PRKN: variants seen among roughly 807,000 people sequenced by gnomAD.
The protein encoded by PRKN is parkin RBR E3 ubiquitin protein ligase.
In PRKN, 56 loss-of-function variants were observed where a neutral mutation model predicts 59.5. That is an observed-to-expected ratio of 0.94 (90% CI 0.76 to 1.18). The LOEUF (loss-of-function observed/expected upper bound fraction) is 1.18, where lower values mean the gene tolerates loss of function less well. Among genes scored for constraint, PRKN ranks in the 50% most tolerant of loss-of-function variants. The pLI is 0.00. For missense variants in PRKN, 657 were observed against 596.4 expected (o/e 1.10, Z -1.06); for synonymous variants, 250 against 222.1 (o/e 1.13, Z -1.12).
intron 1 of PRKN, among the ~76,000 whole-genome samples, chr6:162,505,428 G>T (rs1402688836): frequency 6.6e-6 from 1 of 152,056 alleles, no homozygotes; most frequent in Middle Eastern, 3.2e-3. Context: ...GCATCACCTG[G>T]AAACGTATTA....
chr6:161,573,535 A>G (rs1481624728), intron 7 of PRKN, among the ~76,000 whole-genome samples: 2 of 150,692 alleles, frequency 1.3e-5, no homozygotes, highest in South Asian at 2.1e-4. Context: ...CGTGGCTAAT[A>G]CAGTGAAACC....
At chr6:161,490,621 C>T (rs1190142655) in intron 9 of PRKN, among the ~76,000 whole-genome samples, 1 of 152,010 alleles carries the variant, frequency 6.6e-6, no homozygotes, top group Non-Finnish European at 1.5e-5. Context: ...AAACTCCTGA[C>T]CTCAGGTGAT....
At chr6:162,423,067 T>C (rs1453390773) in intron 2 of PRKN, among the ~76,000 whole-genome samples, 1 of 151,846 alleles carries the variant, frequency 6.6e-6, no homozygotes, top group Non-Finnish European at 1.5e-5. Context: ...CATATTAATA[T>C]TACAAAGAAA....
chr6:161,565,967 G>T (rs1780626547), intron 8 of PRKN, among the ~76,000 whole-genome samples: 1 of 152,122 alleles, frequency 6.6e-6, no homozygotes, highest in Non-Finnish European at 1.5e-5. Context: ...TACATCCAAG[G>T]ACACTGCTCC....
At chr6:161,528,318 A>C (rs1779084200) in intron 9 of PRKN, among the ~76,000 whole-genome samples, 1 of 152,210 alleles carries the variant, frequency 6.6e-6, no homozygotes, top group Admixed American at 6.5e-5. Flanking sequence ...GTGGGTGCAC[A>C]GCTGTGGGAA....
At chr6:162,626,557 T>C (rs1221056060) in intron 1 of PRKN, among the ~76,000 whole-genome samples, 1 of 152,174 alleles carries the variant, frequency 6.6e-6, no homozygotes, top group Admixed American at 6.5e-5. Flanking sequence ...GGCTCAGGCC[T>C]GTAATCTAGC....
At chr6:161,432,598 TCTCTAA>T (rs1788701747) in intron 9 of PRKN, among the ~76,000 whole-genome samples, 1 of 149,056 alleles carries the variant, frequency 6.7e-6, no homozygotes, top group African/African-American at 2.5e-5. Flanking sequence ...GCCAGGCTGG[TCTCTAA>T]CTCCTGACCT....
chr6:161,701,729 GGTT>G (rs1209917628), intron 7 of PRKN, among the ~76,000 whole-genome samples: 1 of 152,096 alleles, frequency 6.6e-6, no homozygotes, highest in Non-Finnish European at 1.5e-5. Flanking sequence ...GATGCTACAT[GGTT>G]GTTGTGTATA....
intron 9 of PRKN, among the ~76,000 whole-genome samples, chr6:161,531,265 C>T (rs372233369): frequency 7.9e-5 from 12 of 151,710 alleles, no homozygotes; most frequent in African/African-American, 2.9e-4. Flanking sequence ...CCTGTAGTCC[C>T]AGCTACTCGG....
chr6:162,045,719 C>T (rs1464976443), intron 5 of PRKN, among the ~76,000 whole-genome samples: 1 of 152,204 alleles, frequency 6.6e-6, no homozygotes, highest in East Asian at 1.9e-4. Flanking sequence ...TGATGAAGTG[C>T]GGGTCCCTGG....
At chr6:162,559,097 G>C (rs1779731234) in intron 1 of PRKN, among the ~76,000 whole-genome samples, 1 of 136,546 alleles carries the variant, frequency 7.3e-6, no homozygotes, top group Non-Finnish European at 1.5e-5. Flanking sequence ...CTTGTAGTGA[G>C]CCAAGATCGT....
intron 4 of PRKN, among the ~76,000 whole-genome samples, chr6:162,151,192 T>C (rs1422073008): frequency 6.6e-6 from 1 of 152,166 alleles, no homozygotes; most frequent in Non-Finnish European, 1.5e-5. Flanking sequence ...AAACAGAATG[T>C]GCTCTCCACA....
intron 1 of PRKN, among the ~76,000 whole-genome samples, chr6:162,577,976 AT>A (rs1780629506): frequency 1.3e-5 from 2 of 152,262 alleles, no homozygotes; most frequent in Non-Finnish European, 2.9e-5. Flanking sequence ...AATAAATACA[AT>A]TGGCAAAAAT....
intron 4 of PRKN, among the ~76,000 whole-genome samples, chr6:162,064,858 G>T (rs1356089642): frequency 1.3e-5 from 2 of 152,192 alleles, no homozygotes; most frequent in African/African-American, 4.8e-5. Context: ...CGAGTCCCCA[G>T]AATTCTCATT....
intron 1 of PRKN, among the ~76,000 whole-genome samples, chr6:162,480,927 T>G (rs1269220223): frequency 2.0e-5 from 3 of 152,060 alleles, no homozygotes; most frequent in Admixed American, 6.6e-5. Flanking sequence ...CGCCTCAGCC[T>G]CCTGAGTACC....
chr6:162,405,267 T>A lies in PRKN; in HGVS notation c.171+38043A>T, dbSNP rs117168335. 3.2e-3 allele frequency among the ~76,000 whole-genome samples: 494 copies of A among 152,268 alleles called. 14 individuals carry two copies. In the East Asian group the frequency reaches 0.071, roughly 22 times the overall value. ...AATAGACTATTTCTGTAATGGCAGATCTTACAAAAGAGAAACAACTTCCCG... is the reference window on the plus strand; with the variant it reads ...AATAGACTATTTCTGTAATGGCAGAACTTACAAAAGAGAAACAACTTCCCG... On this transcript the variant is annotated intron_variant, in intron 2 of 11. Transcript: ENST00000366898.
At chr6:161,810,282 A>G (rs969694341) in intron 6 of PRKN, among the ~76,000 whole-genome samples, 1 of 152,160 alleles carries the variant, frequency 6.6e-6, no homozygotes, top group African/African-American at 2.4e-5. Context: ...GAAGAAACCA[A>G]CCTTTTCAAC....
At chr6:161,734,019 GA>G (rs1389044567) in intron 7 of PRKN, among the ~76,000 whole-genome samples, 2 of 138,648 alleles carry the variant, frequency 1.4e-5, no homozygotes, top group Non-Finnish European at 3.1e-5. Flanking sequence ...TTTGCTAATG[GA>G]AAAAAGAACA....
chr6:162,516,501 C>CA (rs1379721759), intron 1 of PRKN, among the ~76,000 whole-genome samples: 4 of 152,142 alleles, frequency 2.6e-5, no homozygotes, highest in African/African-American at 9.7e-5. Flanking sequence ...CCAGTAATCC[C>CA]AGCACTTTGG....
Sources: gnomAD v4.1 joint callset for allele counts (sites outside exome capture counted in the v4.1 genomes callset) on GRCh38, gnomAD v4.1.1 for gene constraint, MANE v1.5 for transcripts, NCBI Gene and HGNC (gene_info 2026-07-23, HGNC 2026-07-21) for gene names.